LAPTM4B: variants seen among roughly 807,000 people sequenced by gnomAD.
LAPTM4B encodes lysosomal-associated transmembrane protein 4B.
In LAPTM4B, 26 loss-of-function variants were observed where a neutral mutation model predicts 28.5. That is an observed-to-expected ratio of 0.91 (90% CI 0.67 to 1.27). LAPTM4B has a LOEUF of 1.27. LAPTM4B is among the 50% of genes most tolerant of loss of function. The pLI is 0.00. For missense variants in LAPTM4B, 288 were observed against 285.8 expected, an observed-to-expected ratio of 1.01 and a Z score of -0.06; for synonymous variants, 109 against 106.4, an observed-to-expected ratio of 1.02 and a Z score of -0.15.
chr8:97,777,339 G>C (rs1586315588), intron 1 of LAPTM4B, among the ~76,000 whole-genome samples: 1 of 151,676 alleles, frequency 6.6e-6, no homozygotes, highest in African/African-American at 2.4e-5. Flanking sequence ...GTAGAGACAG[G>C]GTTTCACCAT....
intron 6 of LAPTM4B, among the ~76,000 whole-genome samples, chr8:97,848,531 CTCTACAGGTCG>C (rs1817466308): frequency 2.0e-5 from 3 of 151,744 alleles, no homozygotes; most frequent in Non-Finnish European, 4.4e-5. Context: ...TTTTAAGTAG[CTCTACAGGTCG>C]GCCACAGTGG....
At position 97,786,400 on chromosome 8, in the gene LAPTM4B, A is replaced by G. The variant is rs1454241987; in HGVS notation, c.99+10292A>G. On this transcript the variant is annotated intron_variant, in intron 1 of 6. Transcript: ENST00000521545. ...ATTTCAAATTATTAGTAAACATAAC[A>G]TTGAACTTAAAAAAAAAACAAGGCC... Among the ~76,000 whole-genome samples, 6 of 107,036 alleles carry G rather than the reference A, an allele frequency of 5.6e-5. No individual in the cohort carries two copies. In the East Asian group the frequency reaches 1.7e-3, roughly 30 times the overall value. 70.2% of individuals were successfully genotyped at this position (107,036 alleles called of 152,430 possible). A position where few individuals can be genotyped will look rare whatever the true frequency, so the allele number is the denominator to read the frequency against.
At chr8:97,796,083 G>A (rs1459453585) in intron 1 of LAPTM4B, among the ~76,000 whole-genome samples, 7 of 152,164 alleles carry the variant, frequency 4.6e-5, no homozygotes, top group Non-Finnish European at 1.0e-4. Context: ...GGGACTACAG[G>A]CATGCGCCAC....
intron 1 of LAPTM4B, among the ~76,000 whole-genome samples, chr8:97,799,700 C>T (rs538730429): frequency 6.6e-6 from 1 of 152,292 alleles, no homozygotes; most frequent in East Asian, 1.9e-4. Flanking sequence ...TAGCTCTGAT[C>T]ATGTCATATC....
At chr8:97,800,511 T>TG (rs1291585811) in intron 1 of LAPTM4B, among the ~76,000 whole-genome samples, 4 of 117,024 alleles carry the variant, frequency 3.4e-5, no homozygotes, top group Admixed American at 9.6e-5. Flanking sequence ...TTTTTTTTTT[T>TG]GGAGATGGAG....
chr8:97,815,008 A>G (rs1211717006), intron 2 of LAPTM4B, among the ~76,000 whole-genome samples: 1 of 152,180 alleles, frequency 6.6e-6, no homozygotes, highest in African/African-American at 2.4e-5. Context: ...TTTATTTTAA[A>G]TAAGATCGGA....
chr8:97,850,878 A>G (rs929164844), intron 6 of LAPTM4B, among the ~76,000 whole-genome samples: 24 of 150,822 alleles, frequency 1.6e-4, no homozygotes, highest in Non-Finnish European at 2.6e-4. Flanking sequence ...CAGCCAGTGT[A>G]TAGACCGCCA....
At chr8:97,782,332 A>T (rs1365992414) in intron 1 of LAPTM4B, among the ~76,000 whole-genome samples, 2 of 101,884 alleles carry the variant, frequency 2.0e-5, no homozygotes, top group African/African-American at 4.0e-5. Flanking sequence ...TCTATTGCCC[A>T]GGCTGGAGTG....
intron 6 of LAPTM4B, among the ~76,000 whole-genome samples, chr8:97,828,544 G>A (rs1243674630): frequency 1.3e-5 from 2 of 152,196 alleles, no homozygotes; most frequent in Non-Finnish European, 2.9e-5. Context: ...TGCCTGATTA[G>A]TGAGTTTTTG....
At position 97,851,646 on chromosome 8, in the gene LAPTM4B, C is replaced by T. The variant is rs936400126; in HGVS notation, c.*172C>T. ...ACTGTAGTTTTCAACATATGCTTTG[C>T]TGGAACACTGTGATAGATTAACTGT... On this transcript the variant is annotated 3_prime_UTR_variant, in exon 7 of 7. Transcript: ENST00000521545. The T allele has an allele frequency of 2.9e-5, 18 of 621,456 alleles. No homozygotes were observed. Among genetic ancestry groups the T allele is most frequent in the Non-Finnish European group, 5.2e-5 (18 of 348,792 alleles). 38.5% of individuals were successfully genotyped at this position (621,456 alleles called of 1,614,324 possible).
intron 6 of LAPTM4B, among the ~76,000 whole-genome samples, chr8:97,850,733 G>A (rs1409247362): frequency 6.8e-6 from 1 of 146,852 alleles, no homozygotes; most frequent in Non-Finnish European, 1.5e-5. Flanking sequence ...TAAAGGGCAG[G>A]GACTGTCTTT....
At chr8:97,845,761 T>A (rs1817418756) in intron 6 of LAPTM4B, among the ~76,000 whole-genome samples, 2 of 152,084 alleles carry the variant, frequency 1.3e-5, no homozygotes, top group South Asian at 4.2e-4. Context: ...GACTGGTAGA[T>A]CCTTGCAGTC....
intron 2 of LAPTM4B, among the ~76,000 whole-genome samples, chr8:97,814,605 T>TG (rs1816874353): frequency 6.6e-6 from 1 of 150,588 alleles, no homozygotes; most frequent in African/African-American, 2.4e-5. Flanking sequence ...AGCAAGAGAG[T>TG]GGGACAAGGT....
At chr8:97,782,946 A>AT (rs1423018254) in intron 1 of LAPTM4B, among the ~76,000 whole-genome samples, 3 of 141,832 alleles carry the variant, frequency 2.1e-5, no homozygotes, top group Admixed American at 7.1e-5. Context: ...TTATTTATTT[A>AT]TTTTTTAGTA....
chr8:97,832,332 G>T (rs1377684063), intron 6 of LAPTM4B, among the ~76,000 whole-genome samples: 1 of 152,142 alleles, frequency 6.6e-6, no homozygotes, highest in Non-Finnish European at 1.5e-5. Context: ...GTAGTTTGTG[G>T]TAGCTACATT....
intron 1 of LAPTM4B, among the ~76,000 whole-genome samples, chr8:97,796,143 G>A (rs1466290850): frequency 6.6e-6 from 1 of 152,242 alleles, no homozygotes; most frequent in Admixed American, 6.5e-5. Context: ...GATTCACCGT[G>A]TTGGCCAGGC....
intron 6 of LAPTM4B, among the ~76,000 whole-genome samples, chr8:97,833,639 T>A (rs2070193581): frequency 6.6e-6 from 1 of 152,212 alleles, no homozygotes; most frequent in South Asian, 2.1e-4. Flanking sequence ...TCTTCTGCAT[T>A]ACCAGCGAAT....
chr8:97,828,165 G>C (rs1226881990), intron 6 of LAPTM4B, among the ~76,000 whole-genome samples: 1 of 152,288 alleles, frequency 6.6e-6, no homozygotes, highest in South Asian at 2.1e-4. Context: ...AAATGAGAAA[G>C]AGTAGTGAAG....
intron 6 of LAPTM4B, among the ~76,000 whole-genome samples, chr8:97,826,383 C>G (rs578027961): frequency 1.3e-4 from 20 of 152,198 alleles, no homozygotes; most frequent in Non-Finnish European, 2.8e-4. Flanking sequence ...GTGTTCTGCT[C>G]AACCCCTTTA....
Sources: gnomAD v4.1 joint callset for allele counts (sites outside exome capture counted in the v4.1 genomes callset) on GRCh38, gnomAD v4.1.1 for gene constraint, MANE v1.5 for transcripts, NCBI Gene and HGNC (gene_info 2026-07-23, HGNC 2026-07-21) for gene names.